The following AHCTF1 variants were observed in gnomAD, a reference collection of about 807,000 sequenced individuals.
AHCTF1 encodes protein ELYS.
A neutral mutation model predicts 248.4 loss-of-function variants in AHCTF1; 24 were observed. That is an observed-to-expected ratio of 0.10 (90% CI 0.07 to 0.14). The LOEUF (loss-of-function observed/expected upper bound fraction) is 0.14, where lower values mean the gene tolerates loss of function less well. Among genes scored for constraint, AHCTF1 ranks in the 10% least tolerant of loss-of-function variants. The pLI, the probability that AHCTF1 is intolerant of heterozygous loss-of-function variation, is 1.00. For missense variants in AHCTF1, 2,206 were observed against 2,636.2 expected (o/e 0.84, Z 3.57); for synonymous variants, 786 against 929.8 (o/e 0.85, Z 2.81).
intron 8 of AHCTF1, 149 bp from the exon 9 acceptor site, chr1:246,900,618 G>C: frequency 1.1e-6 from 1 of 876,180 alleles, no homozygotes; most frequent in Non-Finnish European, 1.7e-6. Context: ...TCATTTGTAT[G>C]TAAGACCAGA....
Position 246,900,265 on chromosome 1 carries a change from C to T in AHCTF1, c.1251-19G>A. The T allele has an allele frequency of 6.3e-7, 1 of 1,584,612 alleles. No homozygotes were observed. The highest frequency in any genetic ancestry group is 2.2e-5 in the East Asian group (1 of 44,540). ...TCCTGACCTAAAAGAAAATTTAAAA[C>T]ATTACTAAGTCATTGGTCAGCTACA... On this transcript the variant is annotated intron_variant, in intron 9 of 35. Coordinates refer to ENST00000648844, the MANE Select transcript of AHCTF1 (RefSeq NM_001323342.2).
rs1229070734 is a variant in AHCTF1 at position 246,921,259 on chromosome 1, T to A, written c.-7-2882A>T. On this transcript the variant is annotated intron_variant, in intron 1 of 35. Transcript: ENST00000648844. ...GAAAAAATAAACACAGAATGCACAG[T>A]GGATTTGAGAGAGAAAGCGGAAGAA... Among the ~76,000 whole-genome samples, 9 of 151,414 alleles carry A rather than the reference T, an allele frequency of 5.9e-5. 1 individual carries two copies. Among genetic ancestry groups the A allele is most frequent in the Admixed American group, 5.9e-4 (9 of 15,220 alleles).
chr1:246,908,234 T>C (rs1364593644), intron 4 of AHCTF1, among the ~76,000 whole-genome samples: 1 of 150,902 alleles, frequency 6.6e-6, no homozygotes, highest in Non-Finnish European at 1.5e-5. Context: ...GGGGCTCTCA[T>C]TACCAATGAC....
At chr1:246,860,771 G>C in intron 29 of AHCTF1, 128 bp downstream of exon 29, 1 of 1,267,232 alleles carries the variant, frequency 7.9e-7, no homozygotes, top group Non-Finnish European at 1.1e-6. Context: ...CTCCCAAAGT[G>C]CTGAGATTAA....
At chr1:246,862,785 CTG>C (rs1191306810) in intron 27 of AHCTF1, among the ~76,000 whole-genome samples, 1 of 152,148 alleles carries the variant, frequency 6.6e-6, no homozygotes, top group Non-Finnish European at 1.5e-5. Context: ...GTAAGACTGA[CTG>C]TAGTGTTTCA....
intron 1 of AHCTF1, among the ~76,000 whole-genome samples, chr1:246,920,576 C>T (rs1666468019): frequency 6.6e-6 from 1 of 151,134 alleles, no homozygotes; most frequent in African/African-American, 2.4e-5. Context: ...CGAGACCATC[C>T]TGGCTAACAA....
intron 21 of AHCTF1, among the ~76,000 whole-genome samples, chr1:246,879,929 T>C (rs1358985073): frequency 6.6e-6 from 1 of 152,188 alleles, no homozygotes. Flanking sequence ...AAATCCTTTA[T>C]GTAATTATAA....
At chr1:246,903,380 T>C (rs1665139354) in intron 7 of AHCTF1, among the ~76,000 whole-genome samples, 1 of 152,196 alleles carries the variant, frequency 6.6e-6, no homozygotes, top group South Asian at 2.1e-4. Context: ...TGGGTACCAA[T>C]TAAGCCACAA....
At chr1:246,886,456 T>C (rs758941358) in intron 20 of AHCTF1, among the ~76,000 whole-genome samples, 12 of 152,214 alleles carry the variant, frequency 7.9e-5, no homozygotes, top group Non-Finnish European at 1.5e-4. Flanking sequence ...AATCTACAGA[T>C]GATTTAAAGA....
intron 26 of AHCTF1, 93 bp from the exon 27 acceptor site, chr1:246,864,209 A>ATGAT (rs1211387469): frequency 8.1e-7 from 1 of 1,228,628 alleles, no homozygotes; most frequent in Non-Finnish European, 1.1e-6. Context: ...ACTGGTAACT[A>ATGAT]TGATAGCCAC....
intron 20 of AHCTF1, among the ~76,000 whole-genome samples, chr1:246,886,149 G>A (rs1237581682): frequency 6.6e-6 from 1 of 152,090 alleles, no homozygotes; most frequent in East Asian, 1.9e-4. Context: ...TGGTCAACAT[G>A]GTGAAACCTC....
At chr1:246,912,935 G>A (rs569843891) in intron 4 of AHCTF1, among the ~76,000 whole-genome samples, 1 of 152,046 alleles carries the variant, frequency 6.6e-6, no homozygotes, top group African/African-American at 2.4e-5. Context: ...CTTAAGAATA[G>A]ATCTTATTCA....
chr1:246,870,143 G>C (rs919785888), intron 24 of AHCTF1, among the ~76,000 whole-genome samples: 3 of 152,206 alleles, frequency 2.0e-5, no homozygotes, highest in Non-Finnish European at 2.9e-5. Flanking sequence ...AAGAGAACTA[G>C]AATGAGAAGC....
chr1:246,869,300 C>G (rs987163222), intron 24 of AHCTF1, among the ~76,000 whole-genome samples: 2 of 152,142 alleles, frequency 1.3e-5, no homozygotes, highest in Non-Finnish European at 2.9e-5. Context: ...TTCCTTGAGA[C>G]TGACAATATC....
rs1421308952 is a variant in AHCTF1 at position 246,903,931 on chromosome 1, A to T, written c.966+18T>A. ...CAACAAAATGGTAATATAAACCCAT[A>T]GTCCAATGACCATTTACCTCATATA... On this transcript the variant is annotated intron_variant, in intron 7 of 35. Transcript: ENST00000648844. 3 of 1,576,970 alleles carry T rather than the reference A, an allele frequency of 1.9e-6. No homozygotes were observed. Among genetic ancestry groups the T allele is most frequent in the Non-Finnish European group, 2.6e-6 (3 of 1,146,762 alleles).
chr1:246,863,545 TAAATAAATAC>T (rs1285209583), intron 27 of AHCTF1, among the ~76,000 whole-genome samples: 1 of 152,024 alleles, frequency 6.6e-6, no homozygotes, highest in Non-Finnish European at 1.5e-5. Context: ...TCAAAGAATT[TAAATAAATAC>T]AAATAAACCA....
At position 246,851,177 on chromosome 1, in the gene AHCTF1, G is replaced by A; in HGVS notation, c.4829C>T (p.Ser1610Leu). ...AGCTGCTTTAGGTAACACATCAGAT[G>A]ATGCAAAATCACCTGGCTCAACTTC... ...EGEVEPGDFA[S>L]SDVLPKAANT... The change falls in exon 33 of 36, where the codon TCA becomes TTA. Residue 1610 changes from serine (S) to leucine (L), a missense_variant. Ser to Leu is a moderately radical substitution (Grantham distance 145). This residue lies in a region of AHCTF1 where 955 missense variants were observed against 1,055.6 expected (regional missense o/e 0.90). Transcript: ENST00000648844. 6.2e-7 allele frequency: 1 copy of A among 1,613,868 alleles called. No individual in the cohort carries two copies. Among genetic ancestry groups the A allele is most frequent in the Non-Finnish European group, 8.5e-7 (1 of 1,179,842 alleles).
At chr1:246,893,210 A>AT (rs1198909533) in intron 14 of AHCTF1, among the ~76,000 whole-genome samples, 1 of 152,190 alleles carries the variant, frequency 6.6e-6, no homozygotes, top group Non-Finnish European at 1.5e-5. Context: ...CTGATCCTAA[A>AT]CACCTGATAG....
At chr1:246,916,062 TC>T (rs1666122810) in intron 3 of AHCTF1, 79 bp downstream of exon 3, 5 of 1,486,442 alleles carry the variant, frequency 3.4e-6, no homozygotes, top group Non-Finnish European at 3.6e-6. Flanking sequence ...CAGTGAAATT[TC>T]AAAAAGTAAC....
Sources: allele counts gnomAD v4.1 joint callset (sites outside exome capture counted in the v4.1 genomes callset), GRCh38; gene constraint gnomAD v4.1.1; regional missense constraint gnomAD v4.1.1; transcripts MANE v1.5; gene names NCBI Gene and HGNC (gene_info 2026-07-23, HGNC 2026-07-21).